Variants in TOM1L2 observed in about 807,000 individuals in gnomAD.
TOM1L2 encodes target of myb1 like 2 membrane trafficking protein, also known as TOM1-like protein 2.
A neutral mutation model predicts 67.9 loss-of-function variants in TOM1L2; 31 were observed. The observed-to-expected ratio is 0.46, with a 90% CI of 0.34 to 0.62. TOM1L2 has a LOEUF of 0.62. Ranked by LOEUF, TOM1L2 falls within the 20% of genes least tolerant of loss-of-function variation. The pLI is 0.01. For missense variants in TOM1L2, 606 were observed against 663.5 expected (o/e 0.91, Z 0.95); for synonymous variants, 256 against 254.0 (o/e 1.01, Z -0.07).
chr17:17,953,622 G>A (rs908579342), intron 1 of TOM1L2, among the ~76,000 whole-genome samples: 1 of 152,180 alleles, frequency 6.6e-6, no homozygotes, highest in African/African-American at 2.4e-5. Context: ...ACATGGATGG[G>A]GTGTAGAAAC....
At chr17:17,926,420 A>T (rs564449601) in intron 1 of TOM1L2, among the ~76,000 whole-genome samples, 2 of 152,158 alleles carry the variant, frequency 1.3e-5, no homozygotes, top group African/African-American at 2.4e-5. Context: ...GCACAAGGGG[A>T]GATGCGGACA....
intron 1 of TOM1L2, among the ~76,000 whole-genome samples, chr17:17,950,257 A>C (rs2041140889): frequency 6.6e-6 from 1 of 152,088 alleles, no homozygotes; most frequent in Non-Finnish European, 1.5e-5. Flanking sequence ...CCTGGGCTCA[A>C]ACAATTCTTG....
chr17:17,848,497 C>T (rs1462079255), intron 14 of TOM1L2, among the ~76,000 whole-genome samples: 1 of 152,240 alleles, frequency 6.6e-6, no homozygotes, highest in Non-Finnish European at 1.5e-5. Flanking sequence ...TGCTGCTGCG[C>T]ACCTCCACAA....
At chr17:17,958,265 G>C (rs974702196) in intron 1 of TOM1L2, among the ~76,000 whole-genome samples, 2 of 152,140 alleles carry the variant, frequency 1.3e-5, no homozygotes, top group African/African-American at 4.8e-5. Flanking sequence ...AAGTCTCACA[G>C]CAAATCAGCA....
intron 1 of TOM1L2, among the ~76,000 whole-genome samples, chr17:17,962,352 GCT>G (rs201189467): frequency 0.012 from 1,777 of 150,930 alleles, 33 homozygotes; most frequent in African/African-American, 0.039. Flanking sequence ...ATGGAGTCTC[GCT>G]CTGTCACCCA....
chr17:17,850,078 C>G (rs2035872494), intron 13 of TOM1L2, among the ~76,000 whole-genome samples: 1 of 152,180 alleles, frequency 6.6e-6, no homozygotes, highest in Admixed American at 6.5e-5. Flanking sequence ...GCTCTTCTGC[C>G]TGGGGACAAG....
intron 1 of TOM1L2, among the ~76,000 whole-genome samples, chr17:17,941,388 T>A (rs2040729023): frequency 6.6e-6 from 1 of 152,146 alleles, no homozygotes; most frequent in African/African-American, 2.4e-5. Flanking sequence ...CCTTATATGC[T>A]TGGCTTCCTT....
At chr17:17,859,748 G>A (rs1288902413) in intron 12 of TOM1L2, 2 of 152,242 alleles carry the variant, frequency 1.3e-5, no homozygotes, top group East Asian at 1.9e-4. Flanking sequence ...GGCTGTGGTG[G>A]TGGGCACCTG....
chr17:17,955,990 C>T (rs2041424348), intron 1 of TOM1L2, among the ~76,000 whole-genome samples: 2 of 152,200 alleles, frequency 1.3e-5, no homozygotes. Context: ...GCGCCAGCCT[C>T]AAGAGAAAAA....
rs146604032 is a variant in TOM1L2 at position 17,925,149 on chromosome 17, A to G, written c.53-17618T>C. ...AGCAGCTGCCAGTACTATGCTTCCT[A>G]TACAGCCTGCAAAACCATGAGCCAA... is the stretch of plus-strand genomic sequence containing the variant. On this transcript the variant is annotated intron_variant, in intron 1 of 14. Coordinates refer to ENST00000379504, the MANE Select transcript of TOM1L2 (RefSeq NM_001082968.2). Among the ~76,000 whole-genome samples, 388 of 152,282 alleles carry G rather than the reference A, an allele frequency of 2.5e-3. 4 individuals carry two copies. Among genetic ancestry groups the G allele is most frequent in the African/African-American group, 8.9e-3 (370 of 41,556 alleles).
chr17:17,893,659 A>G lies in TOM1L2; in HGVS notation c.366+2T>C. 6.2e-7 allele frequency: 1 copy of G among 1,613,578 alleles called. No individual in the cohort carries two copies. Among genetic ancestry groups the G allele is most frequent in the Non-Finnish European group, 8.5e-7 (1 of 1,179,716 alleles). On this transcript the variant is annotated splice_donor_variant, in intron 4 of 14. Transcript: ENST00000379504. LOFTEE classifies it high-confidence loss of function. ...ACAAATTGGGCAAGGGGTCCAACCT[A>G]CCTGGATCAGAGCAAGCACTTTGTC...
rs982900390 is a variant in TOM1L2 at position 17,884,936 on chromosome 17, G to A, written c.367-168C>T. 7.9e-5 allele frequency among the ~76,000 whole-genome samples: 12 copies of A among 152,188 alleles called. 1 individual carries two copies. Among genetic ancestry groups the A allele is most frequent in the Admixed American group, 7.2e-4 (11 of 15,280 alleles). ...CCTCTCCTTCCGCAACTGCTGCCAC[G>A]ACACAGCTGGTGAAACCCTGGCTTT... On this transcript the variant is annotated intron_variant, in intron 4 of 14. Coordinates refer to ENST00000379504, the MANE Select transcript of TOM1L2 (RefSeq NM_001082968.2).
chr17:17,900,938 C>T (rs1015969726), intron 2 of TOM1L2, among the ~76,000 whole-genome samples: 1 of 152,248 alleles, frequency 6.6e-6, no homozygotes, highest in Non-Finnish European at 1.5e-5. Context: ...TCAGTCCTCT[C>T]TTCTGTCCTC....
At chr17:17,890,333 T>C (rs2038211393) in intron 4 of TOM1L2, among the ~76,000 whole-genome samples, 1 of 152,094 alleles carries the variant, frequency 6.6e-6, no homozygotes, top group African/African-American at 2.4e-5. Flanking sequence ...CACCCCGGTA[T>C]GAGGTGGATA....
At chr17:17,963,718 C>T (rs1235945934) in intron 1 of TOM1L2, among the ~76,000 whole-genome samples, 1 of 152,188 alleles carries the variant, frequency 6.6e-6, no homozygotes, top group African/African-American at 2.4e-5. Flanking sequence ...ATATACTCTA[C>T]CATGTGCTGT....
At chr17:17,915,098 C>T (rs1229550510) in intron 1 of TOM1L2, among the ~76,000 whole-genome samples, 1 of 152,166 alleles carries the variant, frequency 6.6e-6, no homozygotes, top group African/African-American at 2.4e-5. Context: ...AACAAGGATA[C>T]TTCCAGCCTG....
At chr17:17,874,208 C>A (rs1194450577) in intron 7 of TOM1L2, among the ~76,000 whole-genome samples, 1 of 152,124 alleles carries the variant, frequency 6.6e-6, no homozygotes, top group Non-Finnish European at 1.5e-5. Context: ...CCCGCCTTAG[C>A]CTCCCAAAGT....
At chr17:17,886,400 G>A (rs932710921) in intron 4 of TOM1L2, among the ~76,000 whole-genome samples, 5 of 152,264 alleles carry the variant, frequency 3.3e-5, no homozygotes, top group African/African-American at 1.2e-4. Context: ...GTGCCTCACA[G>A]AGCACTGTCT....
chr17:17,865,119 C>T (rs540704812), intron 10 of TOM1L2, among the ~76,000 whole-genome samples: 2 of 152,220 alleles, frequency 1.3e-5, no homozygotes, highest in Non-Finnish European at 2.9e-5. Context: ...CATATACACA[C>T]TTTGAATGTA....
Sources: gnomAD v4.1 joint callset for allele counts (sites outside exome capture counted in the v4.1 genomes callset) on GRCh38, gnomAD v4.1.1 for gene constraint, MANE v1.5 for transcripts, NCBI Gene and HGNC (gene_info 2026-07-23, HGNC 2026-07-21) for gene names.